The following GRM7 variants were observed in gnomAD, a reference collection of about 807,000 sequenced individuals.
GRM7 encodes metabotropic glutamate receptor 7.
A neutral mutation model predicts 84.5 loss-of-function variants in GRM7; 35 were observed. That is an observed-to-expected ratio of 0.41 (90% CI 0.32 to 0.55). The LOEUF is 0.55. GRM7 is among the 20% of genes least tolerant of loss of function. The pLI, the probability that GRM7 is intolerant of heterozygous loss-of-function variation, is 0.19. For synonymous variants in GRM7, 487 were observed against 455.1 expected (o/e 1.07, Z -0.89); for missense variants, 1,003 against 1,194.6 (o/e 0.84, Z 2.36).
chr3:6,940,581 T>G (rs922761848), intron 1 of GRM7, among the ~76,000 whole-genome samples: 1 of 131,166 alleles, frequency 7.6e-6, no homozygotes, highest in African/African-American at 2.5e-5. Context: ...TACAAGTTCA[T>G]TTTTTAAAAG....
rs1559416100 is a variant in GRM7 at position 7,578,736 on chromosome 3, C to T, written c.1830C>T (p.Ala610=). ...LGIIATIFVM[A]TFIRYNDTPI... is the part of the protein sequence containing the mutation. ...TCATTGCCACCATCTTTGTCATGGC[C>T]ACTTTCATCCGCTACAATGACACGC... Residue 610 remains alanine (A), a synonymous_variant, in exon 8 of 10, where the codon GCC becomes GCT. Coordinates refer to ENST00000357716, the MANE Select transcript of GRM7 (RefSeq NM_000844.4). 3.1e-6 allele frequency: 5 copies of T among 1,614,076 alleles called. No homozygotes were observed. Among genetic ancestry groups the T allele is most frequent in the Non-Finnish European group, 4.2e-6 (5 of 1,179,974 alleles).
intron 9 of GRM7, among the ~76,000 whole-genome samples, chr3:7,731,983 T>C (rs1244109742): frequency 6.6e-6 from 1 of 152,132 alleles, no homozygotes; most frequent in Admixed American, 6.5e-5. Context: ...ACTTGTGAGC[T>C]TTGAACGAGA....
At chr3:7,687,286 A>C (rs1700622794) in intron 9 of GRM7, among the ~76,000 whole-genome samples, 1 of 152,216 alleles carries the variant, frequency 6.6e-6, no homozygotes, top group African/African-American at 2.4e-5. Flanking sequence ...CATAAGAATA[A>C]TAATGGATTC....
intron 7 of GRM7, among the ~76,000 whole-genome samples, chr3:7,515,937 G>T (rs1700359349): frequency 6.6e-6 from 1 of 151,726 alleles, no homozygotes; most frequent in Non-Finnish European, 1.5e-5. Flanking sequence ...GAATCCAGTT[G>T]TTCAAGACGA....
At chr3:7,258,379 A>T (rs1698286736) in intron 2 of GRM7, among the ~76,000 whole-genome samples, 1 of 152,052 alleles carries the variant, frequency 6.6e-6, no homozygotes, top group Non-Finnish European at 1.5e-5. Context: ...ACATTTGAAA[A>T]CCCTACGGCC....
At chr3:7,352,336 A>G (rs1330106795) in intron 4 of GRM7, among the ~76,000 whole-genome samples, 3 of 152,076 alleles carry the variant, frequency 2.0e-5, no homozygotes, top group African/African-American at 7.2e-5. Context: ...TGGCATTTTT[A>G]AACATTTGTG....
At chr3:6,965,772 A>G (rs1296849273) in intron 1 of GRM7, among the ~76,000 whole-genome samples, 4 of 152,158 alleles carry the variant, frequency 2.6e-5, no homozygotes, top group African/African-American at 9.6e-5. Context: ...AGATGAGTAA[A>G]TGACTTTTCA....
chr3:7,436,818 C>T (rs1160373530), intron 5 of GRM7, among the ~76,000 whole-genome samples: 3 of 152,226 alleles, frequency 2.0e-5, no homozygotes, highest in African/African-American at 4.8e-5. Context: ...TTTGGGCACA[C>T]ATGGGGCTCA....
At chr3:6,870,023 T>A (rs1484515635) in intron 1 of GRM7, among the ~76,000 whole-genome samples, 4 of 152,148 alleles carry the variant, frequency 2.6e-5, no homozygotes, top group Non-Finnish European at 4.4e-5. Context: ...CTCTTCTTTT[T>A]TTTTTCTTTT....
At chr3:7,102,295 ATT>A (rs199930058) in intron 1 of GRM7, among the ~76,000 whole-genome samples, 1 of 128,540 alleles carries the variant, frequency 7.8e-6, no homozygotes, top group Admixed American at 7.4e-5. Flanking sequence ...CTTCGTATGT[ATT>A]TTTTCCCCTA....
chr3:6,889,178 C>G (rs183512217), intron 1 of GRM7, among the ~76,000 whole-genome samples: 4,395 of 152,228 alleles, frequency 0.029, 243 homozygotes, highest in African/African-American at 0.099. Context: ...CACCTGCAAA[C>G]AGGGACAATT....
At chr3:7,395,093 G>T (rs1450784269) in intron 4 of GRM7, among the ~76,000 whole-genome samples, 1 of 151,150 alleles carries the variant, frequency 6.6e-6, no homozygotes, top group African/African-American at 2.4e-5. Flanking sequence ...AATTATAGCT[G>T]GAGATTCAGT....
At chr3:7,303,688 G>T (rs564057156) in intron 3 of GRM7, among the ~76,000 whole-genome samples, 228 of 151,980 alleles carry the variant, frequency 1.5e-3, no homozygotes, top group African/African-American at 5.2e-3. Flanking sequence ...TTTTTCTGTT[G>T]TTGTTATAGG....
chr3:7,732,385 C>T (rs137912091), intron 9 of GRM7, among the ~76,000 whole-genome samples: 1 of 152,258 alleles, frequency 6.6e-6, no homozygotes, highest in Admixed American at 6.5e-5. Context: ...ATTAGTGCTT[C>T]ACCCTGGTTG....
chr3:7,211,265 C>A (rs1696416866), intron 2 of GRM7, among the ~76,000 whole-genome samples: 2 of 152,164 alleles, frequency 1.3e-5, no homozygotes, highest in South Asian at 4.1e-4. Flanking sequence ...TTGCAAACTA[C>A]AGTGTGCATC....
intron 5 of GRM7, among the ~76,000 whole-genome samples, chr3:7,426,689 T>C (rs1166255964): frequency 1.3e-5 from 2 of 152,140 alleles, no homozygotes; most frequent in African/African-American, 4.8e-5. Context: ...TGAATGTCTC[T>C]CTCGTACTTG....
intron 4 of GRM7, among the ~76,000 whole-genome samples, chr3:7,400,355 C>G (rs1479831234): frequency 1.3e-5 from 2 of 152,186 alleles, no homozygotes; most frequent in Non-Finnish European, 2.9e-5. Flanking sequence ...TCAAATGCAG[C>G]TATTATCACA....
chr3:7,161,142 G>A lies in GRM7; in HGVS notation c.736+14474G>A, dbSNP rs145850807. Among the ~76,000 whole-genome samples, 604 of 151,918 alleles carry A rather than the reference G, an allele frequency of 4.0e-3. 2 individuals are homozygous for A. Among genetic ancestry groups the A allele is most frequent in the Non-Finnish European group, 6.9e-3 (466 of 67,950 alleles). ...AGCCTTAGGCTGGTAACTCCTATAA[G>A]GTGGTCCTCCTCTCATGCTGACCCC... On this transcript the variant is annotated intron_variant, in intron 2 of 9. Transcript: ENST00000357716.
chr3:7,565,774 GA>G (rs1485781190), intron 7 of GRM7, among the ~76,000 whole-genome samples: 1 of 152,122 alleles, frequency 6.6e-6, no homozygotes, highest in Non-Finnish European at 1.5e-5. Flanking sequence ...GGGAGGTGAG[GA>G]AACTGGACAG....
Sources: gnomAD v4.1 joint callset for allele counts (sites outside exome capture counted in the v4.1 genomes callset) on GRCh38, gnomAD v4.1.1 for gene constraint, MANE v1.5 for transcripts, NCBI Gene and HGNC (gene_info 2026-07-23, HGNC 2026-07-21) for gene names.